SNAP47: variants seen among roughly 807,000 people sequenced by gnomAD.
SNAP47 encodes the protein synaptosome associated protein 47.
SNAP47 carries 20 observed loss-of-function variants against 31.4 expected under a neutral mutation model. That is an observed-to-expected ratio of 0.64 (90% confidence interval 0.45 to 0.93). The LOEUF (loss-of-function observed/expected upper bound fraction) is 0.93, where lower values mean the gene tolerates loss of function less well. Among genes scored for constraint, SNAP47 ranks in the 40% least tolerant of loss-of-function variants. The pLI, the probability that SNAP47 is intolerant of heterozygous loss-of-function variation, is 0.00. For synonymous variants in SNAP47, 194 were observed against 213.4 expected (o/e 0.91, Z 0.79); for missense variants, 492 against 528.5 (o/e 0.93, Z 0.68).
At position 227,780,694 on chromosome 1, in the gene SNAP47, C is replaced by G; in HGVS notation, c.*21C>G. On this transcript the variant is annotated 3_prime_UTR_variant, in exon 5 of 5. Coordinates refer to ENST00000617596, the MANE Select transcript of SNAP47 (RefSeq NM_053052.4). ...CCTAGGGGCAGAACGTCCCTGCATT[C>G]CTGTCTCACCCTGCACATCCCGCTG... is the stretch of plus-strand genomic sequence containing the variant. 1 of 1,613,484 alleles carries G rather than the reference C, an allele frequency of 6.2e-7. No homozygotes were observed. The highest frequency in any genetic ancestry group is 8.5e-7 in the Non-Finnish European group (1 of 1,179,702).
intron 1 of SNAP47, 75 bp downstream of exon 1, chr1:227,735,574 C>T (rs1446919312): frequency 1.5e-6 from 2 of 1,341,940 alleles, no homozygotes; most frequent in Non-Finnish European, 1.9e-6. Context: ...TCAGTCCGCG[C>T]GCTGTGGCTG....
intron 3 of SNAP47, 36 bp from the exon 4 acceptor site, chr1:227,766,921 CGA>C (rs1430152715): frequency 6.2e-7 from 1 of 1,610,052 alleles, no homozygotes; most frequent in African/African-American, 1.3e-5. Context: ...GTTGCAACTC[CGA>C]GAGATGTCAC....
chr1:227,733,224 C>G (rs2273936), upstream of SNAP47: 82,202 of 841,136 alleles, frequency 0.098, 4,323 homozygotes, highest in Middle Eastern at 0.18. Context: ...GAACCCAGAG[C>G]AAGTAGACCC....
At chr1:227,757,823 T>G (rs74915207) in intron 2 of SNAP47, among the ~76,000 whole-genome samples, 2,806 of 152,328 alleles carry the variant, frequency 0.018, 91 homozygotes, top group African/African-American at 0.063. Context: ...TTTCCCCATG[T>G]AATCTTGCTA....
chr1:227,738,273 C>A (rs543710092), intron 1 of SNAP47, among the ~76,000 whole-genome samples: 2 of 152,298 alleles, frequency 1.3e-5, no homozygotes, highest in South Asian at 4.2e-4. Flanking sequence ...AACTCCTGAC[C>A]TTGTGATCTG....
chr1:227,759,323 C>T lies in SNAP47; in HGVS notation c.826C>T (p.Pro276Ser), dbSNP rs747346784. ...CATCCGCCAGCGGTTTATTGGAAAG[C>T]CAGACATGGCCTATCGTTTGATATC... ...ISIRQRFIGK[P>S]DMAYRLISAK... The change falls in exon 3 of 5, where the codon CCA (proline) becomes TCA (serine). Residue 276 changes from proline to serine, a missense_variant. By Grantham distance (74) the Pro-to-Ser change is moderately conservative. Coordinates refer to ENST00000617596, the MANE Select transcript of SNAP47 (RefSeq NM_053052.4). 6 of 1,614,226 alleles carry T rather than the reference C, an allele frequency of 3.7e-6. No individual in the cohort carries two copies. Among genetic ancestry groups the T allele is most frequent in the Admixed American group, 3.3e-5 (2 of 60,030 alleles).
chr1:227,735,869 TGGGACCTGGAGGGGATGGGGACAGTG>T (rs1464358606), intron 1 of SNAP47: 4 of 359,376 alleles, frequency 1.1e-5, no homozygotes, highest in East Asian at 1.8e-4. Context: ...GAGGGGACGG[TGGGACCTGGAGGGGATGGGGACAGTG>T]GGGACCTGGA....
At chr1:227,776,612 C>T (rs1328813379) in intron 4 of SNAP47, 4 of 985,404 alleles carry the variant, frequency 4.1e-6, no homozygotes, top group Non-Finnish European at 4.8e-6. Context: ...TTCACATTCT[C>T]CATTCTTTCC....
At chr1:227,765,462 G>A (rs1663334089) in intron 3 of SNAP47, among the ~76,000 whole-genome samples, 1 of 152,218 alleles carries the variant, frequency 6.6e-6, no homozygotes, top group African/African-American at 2.4e-5. Context: ...TTTCAGAGAA[G>A]GGCTCCTCAG....
chr1:227,766,852 G>T lies in SNAP47; in HGVS notation c.989-107G>T. 5 of 1,492,656 alleles carry T rather than the reference G, an allele frequency of 3.3e-6. No individual in the cohort carries two copies. In the Admixed American group the frequency reaches 5.4e-5, roughly 16 times the overall value. The allele number at this position is 1,492,656 out of a possible 1,614,324, so 92.5% of individuals were successfully genotyped here. On this transcript the variant is annotated intron_variant, in intron 3 of 4. Coordinates refer to ENST00000617596, the MANE Select transcript of SNAP47 (RefSeq NM_053052.4). ...GAGAGAGGAAGCAGTCCTGCGTGTG[G>T]TGGCGGGAGGAACACCGCCTCAAAG...
At chr1:227,734,051 G>A (rs1660873787), upstream of SNAP47, 2 of 1,609,986 alleles carry the variant, frequency 1.2e-6, no homozygotes, top group Non-Finnish European at 1.7e-6. Context: ...AGGGCGCAAG[G>A]GCACCACCGA....
intron 2 of SNAP47, among the ~76,000 whole-genome samples, chr1:227,752,794 A>G (rs1662460440): frequency 6.6e-6 from 1 of 152,170 alleles, no homozygotes; most frequent in Non-Finnish European, 1.5e-5. Context: ...TTTAAGGGAA[A>G]TTAAGGGAGA....
chr1:227,733,395 A>C (rs758450961), upstream of SNAP47: 36 of 1,565,762 alleles, frequency 2.3e-5, no homozygotes, highest in African/African-American at 4.1e-5. Flanking sequence ...GATAGGGGGC[A>C]GGAGAAGCAG....
intron 1 of SNAP47, among the ~76,000 whole-genome samples, chr1:227,740,362 C>T (rs1483295566): frequency 6.6e-6 from 1 of 152,164 alleles, no homozygotes; most frequent in African/African-American, 2.4e-5. Context: ...GTGACATATT[C>T]TAATTCTGTT....
intron 2 of SNAP47, among the ~76,000 whole-genome samples, chr1:227,750,267 C>T (rs1662262422): frequency 1.3e-5 from 2 of 152,166 alleles, no homozygotes; most frequent in African/African-American, 4.8e-5. Context: ...GCAGCTGGAG[C>T]CCCACGGACA....
upstream of SNAP47, chr1:227,732,286 C>T (rs1439913217): frequency 1.5e-6 from 2 of 1,351,296 alleles, no homozygotes; most frequent in Non-Finnish European, 1.0e-6. Context: ...CAAGCCTCGA[C>T]AGGGGTGGGC....
intron 4 of SNAP47, among the ~76,000 whole-genome samples, chr1:227,775,093 G>A (rs951611015): frequency 1.3e-5 from 2 of 152,210 alleles, no homozygotes; most frequent in Admixed American, 6.5e-5. Context: ...CTGCCCCCCC[G>A]GCTAGTGCAC....
At chr1:227,777,103 C>A in intron 4 of SNAP47, 2 of 870,508 alleles carry the variant, frequency 2.3e-6, no homozygotes, top group Non-Finnish European at 2.7e-6. Flanking sequence ...AATTTGATGT[C>A]TTTTTTAAAA....
chr1:227,735,254 G>C (rs575178410), upstream of SNAP47: 120 of 1,603,466 alleles, frequency 7.5e-5, no homozygotes, highest in Non-Finnish European at 9.7e-5. Flanking sequence ...GTCGGCGAGG[G>C]CGCGCGTCTC....
Sources: gnomAD v4.1 joint callset for allele counts (sites outside exome capture counted in the v4.1 genomes callset) on GRCh38, gnomAD v4.1.1 for gene constraint, MANE v1.5 for transcripts, NCBI Gene and HGNC (gene_info 2026-07-23, HGNC 2026-07-21) for gene names.